The following CACNA2D3 variants were observed in gnomAD, a reference collection of about 807,000 sequenced individuals.
CACNA2D3 encodes voltage-dependent calcium channel subunit alpha-2/delta-3.
Under a neutral mutation model 160.6 loss-of-function variants are expected in CACNA2D3, and 60 were observed. The observed-to-expected ratio is 0.37, with a 90% confidence interval of 0.30 to 0.46. The LOEUF is 0.46. CACNA2D3 is among the 20% of genes least tolerant of loss of function. The pLI, the probability that CACNA2D3 is intolerant of heterozygous loss-of-function variation, is 1.00. For synonymous variants in CACNA2D3, 558 were observed against 492.9 expected (o/e 1.13, Z -1.75); for missense variants, 1,205 against 1,365.0 (o/e 0.88, Z 1.85).
Position 54,455,337 on chromosome 3 carries a change from G to A in CACNA2D3, c.382-48155G>A, listed in dbSNP as rs540707779. Among the ~76,000 whole-genome samples the A allele has an allele frequency of 2.0e-5, 3 of 152,160 alleles. No homozygotes were observed. The South Asian group carries it at 6.2e-4, about 32-fold the overall frequency. On this transcript the variant is annotated intron_variant, in intron 4 of 37. Transcript: ENST00000474759. ...TTGATTTGTATTTTCCTGTTGATTA[G>A]CGATGTTGAGCATTTTTTAACATAT...
chr3:54,148,456 C>T (rs528474837), intron 2 of CACNA2D3, among the ~76,000 whole-genome samples: 23 of 152,154 alleles, frequency 1.5e-4, no homozygotes, highest in Non-Finnish European at 2.8e-4. Context: ...AAGTGAAGAA[C>T]GTGTTCCCCA....
chr3:54,503,424 C>T, intron 4 of CACNA2D3, 68 bp from the exon 5 acceptor site: 1 of 1,431,294 alleles, frequency 7.0e-7, no homozygotes, highest in Non-Finnish European at 9.8e-7. Flanking sequence ...GGCCTGTGCC[C>T]AGGTCTAAGT....
At chr3:54,456,745 G>T (rs1188829704) in intron 4 of CACNA2D3, among the ~76,000 whole-genome samples, 1 of 151,848 alleles carries the variant, frequency 6.6e-6, no homozygotes, top group Non-Finnish European at 1.5e-5. Context: ...TTTCTTTATT[G>T]GGAGGTTTTT....
intron 5 of CACNA2D3, among the ~76,000 whole-genome samples, chr3:54,517,670 A>G (rs1234829770): frequency 6.6e-6 from 1 of 152,194 alleles, no homozygotes; most frequent in African/African-American, 2.4e-5. Flanking sequence ...TCTTCTCTTC[A>G]TGCCCAACAG....
intron 9 of CACNA2D3, among the ~76,000 whole-genome samples, chr3:54,621,167 G>A (rs866351736): frequency 5.7e-4 from 86 of 152,192 alleles, no homozygotes; most frequent in African/African-American, 2.0e-3. Context: ...GTCCGCTGAT[G>A]TCCATTTGAC....
At chr3:54,192,490 A>G (rs2107338365) in intron 2 of CACNA2D3, among the ~76,000 whole-genome samples, 1 of 152,170 alleles carries the variant, frequency 6.6e-6, no homozygotes, top group Middle Eastern at 3.4e-3. Context: ...GTTATTGAAA[A>G]CCCAGACACC....
At chr3:54,400,676 G>T (rs1288656804) in intron 4 of CACNA2D3, among the ~76,000 whole-genome samples, 1 of 152,084 alleles carries the variant, frequency 6.6e-6, no homozygotes, top group African/African-American at 2.4e-5. Flanking sequence ...ATATACAACT[G>T]CTTCTACTAG....
intron 2 of CACNA2D3, among the ~76,000 whole-genome samples, chr3:54,319,999 A>T (rs1367158069): frequency 6.6e-6 from 1 of 152,218 alleles, no homozygotes; most frequent in Non-Finnish European, 1.5e-5. Flanking sequence ...ACGCTGTTGG[A>T]AAAATGAGGA....
chr3:54,597,906 A>T (rs945351796), intron 9 of CACNA2D3, among the ~76,000 whole-genome samples: 1 of 152,066 alleles, frequency 6.6e-6, no homozygotes, highest in Non-Finnish European at 1.5e-5. Flanking sequence ...TGCAGCTTTG[A>T]GTCTTAGCCA....
intron 2 of CACNA2D3, among the ~76,000 whole-genome samples, chr3:54,265,952 A>G (rs79296741): frequency 0.07 from 10,648 of 152,218 alleles, 1,243 homozygotes; most frequent in African/African-American, 0.24. Context: ...TAAGACTTAT[A>G]AAGTGCTCAA....
At chr3:54,190,290 G>A (rs11716674) in intron 2 of CACNA2D3, among the ~76,000 whole-genome samples, 5,765 of 152,332 alleles carry the variant, frequency 0.038, 148 homozygotes, top group South Asian at 0.09. Context: ...CTTACTGGAA[G>A]CAGGGTTATT....
chr3:54,962,313 G>A (rs1012798630), intron 27 of CACNA2D3, among the ~76,000 whole-genome samples: 3 of 152,130 alleles, frequency 2.0e-5, no homozygotes, highest in Admixed American at 2.0e-4. Flanking sequence ...ATTTTGTAAT[G>A]CATTTGCTCA....
chr3:54,140,483 T>C (rs1699902964), intron 2 of CACNA2D3, among the ~76,000 whole-genome samples: 1 of 152,216 alleles, frequency 6.6e-6, no homozygotes, highest in Admixed American at 6.5e-5. Context: ...CTGCCAGGCA[T>C]GCCACTCCCA....
At chr3:54,341,129 A>G (rs1302933872) in intron 3 of CACNA2D3, among the ~76,000 whole-genome samples, 2 of 152,180 alleles carry the variant, frequency 1.3e-5, no homozygotes, top group East Asian at 1.9e-4. Flanking sequence ...TCACTAAGAT[A>G]ACTCTCCAGC....
Position 54,372,580 on chromosome 3 carries a change from GCTCT to G in CACNA2D3, c.322-14132_322-14129del, listed in dbSNP as rs913205258. Among the ~76,000 whole-genome samples the G allele has an allele frequency of 4.6e-5, 7 of 152,090 alleles. 1 individual carries two copies. Among genetic ancestry groups the G allele is most frequent in the Admixed American group, 6.6e-5 (1 of 15,258 alleles). The stretch of plus-strand genomic sequence containing the variant: ...AAATGGGTTTAGTCCTTCTTCATTA[GCTCT>G]CTGTCTTTTCTTTAAAAAAAAATCC... On this transcript the variant is annotated intron_variant, in intron 3 of 37. Coordinates refer to ENST00000474759, the MANE Select transcript of CACNA2D3 (RefSeq NM_018398.3).
rs546883248 is a variant in CACNA2D3, at chr3:54,883,127, G to A, written c.1913-2154G>A. ...CCTCCACCATCTCCTGGGTTCAGGT[G>A]ATTCTCCTGCCTCAGCCTCCTGAGT... On this transcript the variant is annotated intron_variant, in intron 21 of 37. Coordinates refer to ENST00000474759, the MANE Select transcript of CACNA2D3 (RefSeq NM_018398.3). Among the ~76,000 whole-genome samples the A allele has an allele frequency of 4.3e-4, 66 of 152,196 alleles. 2 individuals carry two copies. The South Asian group carries it at 0.013, about 31-fold the overall frequency.
In CACNA2D3 at chr3:54,764,349, A is replaced by C. The variant is rs867844908; in HGVS notation, c.1378A>C (p.Thr460Pro). 3.1e-6 allele frequency: 5 copies of C among 1,613,806 alleles called. No homozygotes were observed. In the Middle Eastern group the frequency reaches 6.6e-4, roughly 213 times the overall value. ...VVWTEAYIDSTLPQAQKLTDD... is the reference protein window; with the variant it reads ...VVWTEAYIDSPLPQAQKLTDD... Reference sequence around the variant, plus strand: ...GTGGACCGAAGCTTACATTGACAGCACTGTGAGTCCACGGGGCCCTGGGAA... The same window carrying C: ...GTGGACCGAAGCTTACATTGACAGCCCTGTGAGTCCACGGGGCCCTGGGAA... Residue 460 changes from threonine to proline, a missense_variant and splice_region_variant, in exon 13 of 38, where the codon ACT becomes CCT. Around this residue, in one of 3 missense-constraint regions of CACNA2D3, gnomAD observed 911 missense variants for 1,002.2 expected, o/e 0.91. Transcript: ENST00000474759.
chr3:54,869,913 CTTCCCCTTCATCTGGAGTGGA>C (rs1365520478), intron 17 of CACNA2D3, among the ~76,000 whole-genome samples: 1 of 152,200 alleles, frequency 6.6e-6, no homozygotes, highest in Non-Finnish European at 1.5e-5. Flanking sequence ...AACCACTTTC[CTTCCCCTTCATCTGGAGTGGA>C]TCTGATGTCA....
chr3:54,603,279 A>AAG (rs1703098889), intron 9 of CACNA2D3, among the ~76,000 whole-genome samples: 1 of 152,154 alleles, frequency 6.6e-6, no homozygotes, highest in Non-Finnish European at 1.5e-5. Flanking sequence ...CTCCTAAATA[A>AAG]GGCTCCAGGA....
Sources: gnomAD v4.1 joint callset for allele counts (sites outside exome capture counted in the v4.1 genomes callset) on GRCh38, gnomAD v4.1.1 for gene constraint, gnomAD v4.1.1 regional missense constraint, MANE v1.5 for transcripts, NCBI Gene and HGNC (gene_info 2026-07-23, HGNC 2026-07-21) for gene names.